DHTKD1: variants seen among roughly 807,000 people sequenced by gnomAD.
DHTKD1 encodes 2-oxoadipate dehydrogenase complex component E1.
DHTKD1 carries 78 observed loss-of-function variants against 101.8 expected under a neutral mutation model. That is an observed-to-expected ratio of 0.77 (90% CI 0.64 to 0.93). DHTKD1 has a LOEUF of 0.93. DHTKD1 is among the 40% of genes least tolerant of loss of function. The pLI is 0.00. For missense variants in DHTKD1, 1,223 were observed against 1,161.7 expected (o/e 1.05, Z -0.77); for synonymous variants, 462 against 450.3 (o/e 1.03, Z -0.33).
chr10:12,116,777 A>G (rs1022848758), intron 13 of DHTKD1, among the ~76,000 whole-genome samples: 5 of 148,232 alleles, frequency 3.4e-5, no homozygotes, highest in African/African-American at 5.0e-5. Context: ...GCTCATTGCA[A>G]CTTCCGCCTC....
In DHTKD1 at chr10:12,122,980, A is replaced by C. The variant is rs1833548362; in HGVS notation, c.*2092A>C. ...TAGGCTGTTCTAGCCACAGTGGTAGATTTATGATTCACATCCGAAAGTGTG... is the reference window on the plus strand; with the variant it reads ...TAGGCTGTTCTAGCCACAGTGGTAGCTTTATGATTCACATCCGAAAGTGTG... On this transcript the variant is annotated 3_prime_UTR_variant, in exon 17 of 17. Coordinates refer to ENST00000263035, the MANE Select transcript of DHTKD1 (RefSeq NM_018706.7). The C allele has an allele frequency of 6.6e-6, 1 of 152,220 alleles. No individual in the cohort carries two copies. Among genetic ancestry groups the C allele is most frequent in the African/African-American group, 2.4e-5 (1 of 41,462 alleles). 9.4% of individuals were successfully genotyped at this position (152,220 alleles called of 1,614,324 possible).
chr10:12,114,246 A>G (rs966320659), intron 13 of DHTKD1, among the ~76,000 whole-genome samples: 5 of 152,098 alleles, frequency 3.3e-5, no homozygotes, highest in African/African-American at 9.6e-5. Context: ...TATTTATCCC[A>G]TCTGCTATAC....
chr10:12,075,773 C>G (rs1832717460), intron 1 of DHTKD1, among the ~76,000 whole-genome samples: 2 of 151,986 alleles, frequency 1.3e-5, no homozygotes, highest in Admixed American at 1.3e-4. Flanking sequence ...AGAATTAAAT[C>G]TTTTAATTTC....
rs190033407 is a variant in DHTKD1 at position 12,115,790 on chromosome 10, G to A, written c.2320-1883G>A. Reference sequence around the variant, plus strand: ...TTTTTTTTCTTTTTTTTGTTATTTTGAGAGTCTCGCTTTGTTGCCTAGGCT... The same window carrying A: ...TTTTTTTTCTTTTTTTTGTTATTTTAAGAGTCTCGCTTTGTTGCCTAGGCT... On this transcript the variant is annotated intron_variant, in intron 13 of 16. Transcript: ENST00000263035. Among the ~76,000 whole-genome samples, 562 of 150,566 alleles carry A rather than the reference G, an allele frequency of 3.7e-3. 3 individuals carry two copies. The highest frequency in any genetic ancestry group is 0.013 in the African/African-American group (539 of 40,892).
chr10:12,100,287 G>GTTTTTTTTTTTTTGTT, intron 9 of DHTKD1, 25 bp downstream of exon 9: 72 of 269,750 alleles, frequency 2.7e-4, no homozygotes, highest in South Asian at 3.8e-4. Flanking sequence ...TTTTTTTTCT[G>GTTTTTTTTTTTTTGTT]TTTTTTTTTT....
intron 1 of DHTKD1, among the ~76,000 whole-genome samples, chr10:12,073,404 T>G (rs1277308406): frequency 6.6e-6 from 1 of 151,966 alleles, no homozygotes; most frequent in East Asian, 1.9e-4. Context: ...AGGAGTGCAG[T>G]GGCATGATCT....
At chr10:12,112,006 A>T (rs887695200) in intron 12 of DHTKD1, among the ~76,000 whole-genome samples, 4 of 151,998 alleles carry the variant, frequency 2.6e-5, no homozygotes, top group Non-Finnish European at 5.9e-5. Context: ...TCAAGGGTGT[A>T]TGCAAAAAGA....
At chr10:12,119,615 C>CAAAAAA (rs71382684) in intron 15 of DHTKD1, among the ~76,000 whole-genome samples, 5 of 89,338 alleles carry the variant, frequency 5.6e-5, no homozygotes, top group Non-Finnish European at 6.5e-5. Flanking sequence ...GACTCCGTCT[C>CAAAAAA]AAAAAAAAAA....
intron 12 of DHTKD1, among the ~76,000 whole-genome samples, chr10:12,112,097 T>G (rs1399534941): frequency 6.6e-6 from 1 of 152,034 alleles, no homozygotes. Context: ...GGAGGATCGC[T>G]TGAACCCAGG....
rs144627171 is a variant in DHTKD1 at position 12,081,434 on chromosome 10, C to G, written c.155-38C>G. On this transcript the variant is annotated intron_variant, in intron 1 of 16. Coordinates refer to ENST00000263035, the MANE Select transcript of DHTKD1 (RefSeq NM_018706.7). ...GATTTTTGTGATTTGTAGTCATCTC[C>G]TAAACTGTTTGCATTTTTAAATTTT... The G allele has an allele frequency of 2.7e-3, 4,370 of 1,596,094 alleles. 12 individuals carry two copies. Among genetic ancestry groups the G allele is most frequent in the Non-Finnish European group, 3.4e-3 (3,988 of 1,163,780 alleles).
intron 12 of DHTKD1, among the ~76,000 whole-genome samples, chr10:12,111,029 G>C (rs1295986304): frequency 7.7e-6 from 1 of 130,266 alleles, no homozygotes. Context: ...CTGGGCAAGA[G>C]AGCCAGACCC....
In DHTKD1 at chr10:12,122,660, A is replaced by G. The variant is rs1321005850; in HGVS notation, c.*1772A>G. ...AAAGAGAGAGAGAGGAAAAAAAAAG[A>G]AAAGAACACTTCTTTATTTGAGGGA... On this transcript the variant is annotated 3_prime_UTR_variant, in exon 17 of 17. Transcript: ENST00000263035. 1 of 152,086 alleles carries G rather than the reference A, an allele frequency of 6.6e-6. No homozygotes were observed. Among genetic ancestry groups the G allele is most frequent in the Non-Finnish European group, 1.5e-5 (1 of 68,026 alleles). 9.4% of individuals were successfully genotyped at this position (152,086 alleles called of 1,614,324 possible).
chr10:12,108,708 A>G (rs929268622), intron 12 of DHTKD1, among the ~76,000 whole-genome samples: 9 of 152,218 alleles, frequency 5.9e-5, no homozygotes, highest in African/African-American at 2.2e-4. Flanking sequence ...AGATATACAG[A>G]AAAGTTGGAA....
rs1833360089 is a variant in DHTKD1 at position 12,113,060 on chromosome 10, T to A, written c.2315T>A (p.Leu772His). ...GCTTCCCCTAAGATGTTACTCAGGC[T>A]CCCGGTAAGCAGAAGGTGGTGAATA... is the stretch of plus-strand genomic sequence containing the variant. ...IVASPKMLLRLPAAVSTLQEM... is the reference protein window; with the variant it reads ...IVASPKMLLRHPAAVSTLQEM... The change falls in exon 13 of 17, where the codon CTC (leucine) becomes CAC (histidine). Residue 772 changes from leucine (L) to histidine (H), a missense_variant. Leu to His is a moderately conservative substitution (Grantham distance 99, BLOSUM62 -3). Transcript: ENST00000263035. 3 of 1,604,882 alleles carry A rather than the reference T, an allele frequency of 1.9e-6. No homozygotes were observed. The highest frequency in any genetic ancestry group is 2.7e-5 in the African/African-American group (2 of 74,550).
chr10:12,079,910 G>A (rs889821000), intron 1 of DHTKD1, among the ~76,000 whole-genome samples: 1 of 152,152 alleles, frequency 6.6e-6, no homozygotes, highest in Non-Finnish European at 1.5e-5. Context: ...CCACCTAACT[G>A]GTGTATGAGT....
intron 13 of DHTKD1, 125 bp from the exon 14 acceptor site, chr10:12,117,548 G>A (rs1161145873): frequency 1.5e-6 from 1 of 686,032 alleles, no homozygotes; most frequent in Non-Finnish European, 2.6e-6. Flanking sequence ...GCGTCTATTA[G>A]GACATGGGTC....
At position 12,112,911 on chromosome 10, in the gene DHTKD1, T is replaced by C. The variant is rs781496346; in HGVS notation, c.2166T>C (p.Ser722=). 6.2e-7 allele frequency: 1 copy of C among 1,607,986 alleles called. No individual in the cohort carries two copies. The highest frequency in any genetic ancestry group is 8.5e-7 in the Non-Finnish European group (1 of 1,177,402). ...CACTTCTCTCCCAGATGTGTGACAGTGCGGAAGAGGGGGTGGACGGAGACA... is the reference window on the plus strand; with the variant it reads ...CACTTCTCTCCCAGATGTGTGACAGCGCGGAAGAGGGGGTGGACGGAGACA... ...RIERFLQMCD[S]AEEGVDGDTV... The change falls in exon 13 of 17, where the codon AGT becomes AGC. Residue 722 remains serine (S), a synonymous_variant. Coordinates refer to ENST00000263035, the MANE Select transcript of DHTKD1 (RefSeq NM_018706.7).
chr10:12,103,651 G>A lies in DHTKD1; in HGVS notation c.1896+2470G>A, dbSNP rs1833205138. Among the ~76,000 whole-genome samples, 1 of 151,994 alleles carries A rather than the reference G, an allele frequency of 6.6e-6. No homozygotes were observed. Among genetic ancestry groups the A allele is most frequent in the African/African-American group, 2.4e-5 (1 of 41,380 alleles). Reference sequence around the variant, plus strand: ...CCGCCTCAGCCTCTCAAGTAGCTGGGACTACAGGCAAGCACCACCACGCCT... The same window carrying A: ...CCGCCTCAGCCTCTCAAGTAGCTGGAACTACAGGCAAGCACCACCACGCCT... On this transcript the variant is annotated intron_variant, in intron 10 of 16. Coordinates refer to ENST00000263035, the MANE Select transcript of DHTKD1 (RefSeq NM_018706.7). The surrounding 1 kb of genome is among the most constrained non-coding windows in gnomAD (Gnocchi z 4.8).
At position 12,121,546 on chromosome 10, in the gene DHTKD1, G is replaced by A. The variant is rs963198569; in HGVS notation, c.*658G>A. ...AGGCTTAGGCGGCTGGATCACCTGA[G>A]GTCAGGAGTTCAAGACCAGCCTGGT... On this transcript the variant is annotated 3_prime_UTR_variant, in exon 17 of 17. Coordinates refer to ENST00000263035, the MANE Select transcript of DHTKD1 (RefSeq NM_018706.7). The A allele has an allele frequency of 2.6e-5, 4 of 152,418 alleles. No individual in the cohort carries two copies. Among genetic ancestry groups the A allele is most frequent in the East Asian group, 3.8e-4 (2 of 5,204 alleles). 9.4% of individuals were successfully genotyped at this position (152,418 alleles called of 1,614,324 possible).
Sources: gnomAD v4.1 joint callset for allele counts (sites outside exome capture counted in the v4.1 genomes callset) on GRCh38, gnomAD v4.1.1 for gene constraint, Gnocchi (gnomAD v3.1) non-coding constraint, MANE v1.5 for transcripts, NCBI Gene and HGNC (gene_info 2026-07-23, HGNC 2026-07-21) for gene names.